ELK3: variants seen among roughly 807,000 people sequenced by gnomAD.
ELK3 encodes the protein ETS domain-containing protein Elk-3.
A neutral mutation model predicts 28.9 loss-of-function variants in ELK3; 10 were observed. The ratio of observed to expected loss-of-function variants is 0.35; its 90% confidence interval spans 0.21 to 0.59. ELK3 has a LOEUF of 0.59. Among genes scored for constraint, ELK3 ranks in the 20% least tolerant of loss-of-function variants. ELK3 has a pLI of 0.82. For synonymous variants in ELK3, 272 were observed against 243.5 expected, an observed-to-expected ratio of 1.12 and a Z score of -1.09; for missense variants, 463 against 517.3, an observed-to-expected ratio of 0.90 and a Z score of 1.02.
At chr12:96,201,728 T>C (rs2136999303) in intron 1 of ELK3, among the ~76,000 whole-genome samples, 1 of 152,342 alleles carries the variant, frequency 6.6e-6, no homozygotes, top group African/African-American at 2.4e-5. Context: ...AACTTCTTGC[T>C]GTCATCTCCA....
At chr12:96,196,606 C>T (rs1325099491) in intron 1 of ELK3, among the ~76,000 whole-genome samples, 1 of 152,082 alleles carries the variant, frequency 6.6e-6, no homozygotes, top group Non-Finnish European at 1.5e-5. Flanking sequence ...TAGGAGGGCA[C>T]ATGGGTCAGG....
intron 3 of ELK3, among the ~76,000 whole-genome samples, chr12:96,253,111 A>G (rs1951920624): frequency 6.6e-6 from 1 of 152,194 alleles, no homozygotes; most frequent in Admixed American, 6.5e-5. Flanking sequence ...AAGTACAAAA[A>G]TTAGCCAGGT....
rs371199581 is a variant in ELK3, at chr12:96,267,138, T to G, written c.1182T>G (p.Ala394=). The G allele has an allele frequency of 1.2e-6, 2 of 1,613,530 alleles. No homozygotes were observed. The highest frequency in any genetic ancestry group is 1.3e-5 in the African/African-American group (1 of 74,950). Residue 394 remains alanine, a synonymous_variant, in exon 5 of 5, where the codon GCT becomes GCG. Transcript: ENST00000228741. Reference sequence around the variant, plus strand: ...TGCCAATCCCCAGTCTGGACAGAGCTGCTTCTCCAGTACTGCTTTCTTCAA... The same window carrying G: ...TGCCAATCCCCAGTCTGGACAGAGCGGCTTCTCCAGTACTGCTTTCTTCAA... The part of the protein sequence containing the change: ...MPVPIPSLDR[A]ASPVLLSSNS...
intron 3 of ELK3, among the ~76,000 whole-genome samples, chr12:96,248,284 C>T (rs1357698596): frequency 6.6e-6 from 1 of 152,222 alleles, no homozygotes; most frequent in Non-Finnish European, 1.5e-5. Context: ...TCTGAGAAAG[C>T]CCCAGTCCAC....
chr12:96,269,235 T>TA lies in ELK3; in HGVS notation c.*2058dup, dbSNP rs1952066280. On this transcript the variant is annotated 3_prime_UTR_variant, in exon 5 of 5. Transcript: ENST00000228741. Reference sequence around the variant, plus strand: ...TTATTAGTAAAACAAACAAAACAGATAAAGACAGCATTTAAAACTGTGTTG... The same window carrying TA: ...TTATTAGTAAAACAAACAAAACAGATAAAAGACAGCATTTAAAACTGTGTTG... 2 of 152,062 alleles carry TA rather than the reference T, an allele frequency of 1.3e-5. No homozygotes were observed. The allele number at this position is 152,062 out of a possible 1,614,324, so 9.4% of individuals were successfully genotyped here.
At chr12:96,195,279 GC>G (rs1179252755) in intron 1 of ELK3, among the ~76,000 whole-genome samples, 2 of 151,606 alleles carry the variant, frequency 1.3e-5, no homozygotes, top group Non-Finnish European at 3.0e-5. Flanking sequence ...AAGGTGTGGG[GC>G]TGGGGGCTGC....
Position 96,247,565 on chromosome 12 carries a change from C to T in ELK3, c.833C>T (p.Ser278Leu), listed in dbSNP as rs1301668988. 23 of 1,614,016 alleles carry T rather than the reference C, an allele frequency of 1.4e-5. No homozygotes were observed. Among genetic ancestry groups the T allele is most frequent in the South Asian group, 2.2e-5 (2 of 91,078 alleles). Residue 278 changes from serine (S) to leucine (L), a missense_variant, in exon 3 of 5, where the codon TCG (serine) becomes TTG (leucine). By Grantham distance (145) the Ser-to-Leu change is moderately radical. Coordinates refer to ENST00000228741, the MANE Select transcript of ELK3 (RefSeq NM_005230.4). This position sits in a 1 kb window ranked among gnomAD's most constrained non-coding sequence, Gnocchi z 5.5. Reference sequence around the variant, plus strand: ...TCCCTGGAGCCCTTGAACCTGTCATCGGGCTCCAAGACCAAGTCTCCATCT... The same window carrying T: ...TCCCTGGAGCCCTTGAACCTGTCATTGGGCTCCAAGACCAAGTCTCCATCT... ...SDSLEPLNLS[S>L]GSKTKSPSLP...
At position 96,209,916 on chromosome 12, in the gene ELK3, C is replaced by G. The variant is rs1592670966; in HGVS notation, c.-2-13649C>G. On this transcript the variant is annotated intron_variant, in intron 1 of 4. Transcript: ENST00000228741. The stretch of plus-strand genomic sequence containing the variant: ...GCTGTAGCTCACACGACTTTTTCTC[C>G]TTTTTTTTTTTTTTCCTACATTTGA... Among the ~76,000 whole-genome samples, 3 of 142,276 alleles carry G rather than the reference C, an allele frequency of 2.1e-5. No homozygotes were observed. The South Asian group carries it at 6.7e-4, about 32-fold the overall frequency. The allele number at this position is 142,276 out of a possible 152,430, so 93.3% of individuals were successfully genotyped here.
intron 3 of ELK3, among the ~76,000 whole-genome samples, chr12:96,258,022 G>A (rs564061350): frequency 2.6e-5 from 4 of 152,220 alleles, no homozygotes; most frequent in African/African-American, 9.7e-5. Flanking sequence ...GCTTGCAGTA[G>A]ATCAGCTTAT....
intron 2 of ELK3, among the ~76,000 whole-genome samples, chr12:96,240,140 T>C (rs1249606311): frequency 1.3e-5 from 2 of 152,208 alleles, no homozygotes; most frequent in African/African-American, 2.4e-5. Flanking sequence ...AATAAAAACA[T>C]CATGTTTCCC....
At chr12:96,244,327 T>C (rs1189170875) in intron 2 of ELK3, among the ~76,000 whole-genome samples, 6 of 152,188 alleles carry the variant, frequency 3.9e-5, no homozygotes, top group African/African-American at 1.4e-4. Context: ...TTCCCAACCA[T>C]TTTTTGAGCA....
At chr12:96,195,318 C>T (rs1303191470) in intron 1 of ELK3, among the ~76,000 whole-genome samples, 1 of 152,144 alleles carries the variant, frequency 6.6e-6, no homozygotes, top group South Asian at 2.1e-4. Flanking sequence ...AGGTGACCCC[C>T]GCCCAGGTCA....
At chr12:96,266,949 C>A in intron 4 of ELK3, 133 bp from the exon 5 acceptor site, 1 of 586,112 alleles carries the variant, frequency 1.7e-6, no homozygotes, top group Non-Finnish European at 2.7e-6. Flanking sequence ...CTGTAAAATA[C>A]ATTGGCAACT....
At chr12:96,253,473 C>T (rs1031998105) in intron 3 of ELK3, among the ~76,000 whole-genome samples, 1 of 152,206 alleles carries the variant, frequency 6.6e-6, no homozygotes, top group Non-Finnish European at 1.5e-5. Context: ...AGGATCAGTG[C>T]TACAGACTTC....
chr12:96,254,923 G>C (rs1313848298), intron 3 of ELK3, among the ~76,000 whole-genome samples: 2 of 152,070 alleles, frequency 1.3e-5, no homozygotes, highest in Non-Finnish European at 2.9e-5. Flanking sequence ...GCATAGATAC[G>C]TGAAATAGCT....
intron 1 of ELK3, among the ~76,000 whole-genome samples, chr12:96,207,558 T>C (rs1306885386): frequency 3.3e-5 from 5 of 152,220 alleles, no homozygotes; most frequent in Non-Finnish European, 7.3e-5. Flanking sequence ...TGAAAGAGTT[T>C]TGTTGAGAAG....
intron 3 of ELK3, among the ~76,000 whole-genome samples, chr12:96,250,658 T>C (rs1451056524): frequency 6.6e-6 from 1 of 152,200 alleles, no homozygotes; most frequent in Non-Finnish European, 1.5e-5. Flanking sequence ...CAGGCAGCAG[T>C]GAGGCTTCAG....
At chr12:96,198,979 T>C (rs1399018092) in intron 1 of ELK3, among the ~76,000 whole-genome samples, 1 of 152,248 alleles carries the variant, frequency 6.6e-6, no homozygotes, top group African/African-American at 2.4e-5. Context: ...AATTTCTTCA[T>C]AGACTTGTTC....
intron 3 of ELK3, among the ~76,000 whole-genome samples, chr12:96,248,583 G>A (rs562258719): frequency 1.3e-5 from 2 of 152,256 alleles, no homozygotes; most frequent in South Asian, 2.1e-4. Context: ...GACTGTGGGC[G>A]GTTGCTCTCT....
Sources: gnomAD v4.1 joint callset for allele counts (sites outside exome capture counted in the v4.1 genomes callset) on GRCh38, gnomAD v4.1.1 for gene constraint, Gnocchi (gnomAD v3.1) non-coding constraint, MANE v1.5 for transcripts, NCBI Gene and HGNC (gene_info 2026-07-23, HGNC 2026-07-21) for gene names.